The following ISCA1 variants were observed in gnomAD, a reference collection of about 807,000 sequenced individuals.
ISCA1 encodes the protein iron-sulfur cluster assembly 1, also known as iron-sulfur cluster assembly 1 homolog, mitochondrial.
ISCA1 carries 9 observed loss-of-function variants against 14.7 expected under a neutral mutation model. That is an observed-to-expected ratio of 0.61 (90% confidence interval 0.37 to 1.07). ISCA1 has a LOEUF of 1.07. Ranked by LOEUF, ISCA1 falls within the 50% of genes least tolerant of loss-of-function variation. The pLI is 0.01. For synonymous variants in ISCA1, 38 were observed against 54.3 expected, an observed-to-expected ratio of 0.70 and a Z score of 1.32; for missense variants, 102 against 150.1, an observed-to-expected ratio of 0.68 and a Z score of 1.67.
intron 1 of ISCA1, among the ~76,000 whole-genome samples, chr9:86,275,959 G>A (rs776604146): frequency 2.0e-5 from 3 of 152,186 alleles, no homozygotes; most frequent in Non-Finnish European, 4.4e-5. Flanking sequence ...TGGCATCAAG[G>A]ACTGGTTTCG....
intron 3 of ISCA1, 68 bp from the exon 4 acceptor site, chr9:86,266,259 A>T: frequency 6.6e-7 from 1 of 1,522,526 alleles, no homozygotes; most frequent in Non-Finnish European, 8.8e-7. Context: ...TTCAAAGCAC[A>T]AGTGAACTTG....
In ISCA1 at chr9:86,274,245, G is replaced by A. The variant is rs761605828; in HGVS notation, c.82-3C>T. On this transcript the variant is annotated splice_polypyrimidine_tract_variant and splice_region_variant and intron_variant, in intron 1 of 3. Transcript: ENST00000375991. ...ATCTTGTTTACTGCTGAAGGTGTCT[G>A]AAAAAAGAAAATGATGTTTTTAGCT... 2 of 1,574,826 alleles carry A rather than the reference G, an allele frequency of 1.3e-6. No individual in the cohort carries two copies. Among genetic ancestry groups the A allele is most frequent in the Non-Finnish European group, 1.7e-6 (2 of 1,145,344 alleles).
intron 1 of ISCA1, among the ~76,000 whole-genome samples, chr9:86,279,748 T>A (rs779392879): frequency 6.6e-6 from 1 of 152,252 alleles, no homozygotes; most frequent in Non-Finnish European, 1.5e-5. Flanking sequence ...GTTTGCTCTC[T>A]TATCTGTCTC....
chr9:86,266,013 G>A lies in ISCA1; in HGVS notation c.*30C>T. 1 of 1,611,796 alleles carries A rather than the reference G, an allele frequency of 6.2e-7. No individual in the cohort carries two copies. Among genetic ancestry groups the A allele is most frequent in the Non-Finnish European group, 8.5e-7 (1 of 1,179,796 alleles). On this transcript the variant is annotated 3_prime_UTR_variant, in exon 4 of 4. Transcript: ENST00000375991. ...CCCCAAAGCTTCCACGAGCTTTCCT[G>A]GAACCTACGGCCAGAAGAGTCCTGA...
chr9:86,281,256 G>C (rs988739579), intron 1 of ISCA1, among the ~76,000 whole-genome samples: 4 of 152,138 alleles, frequency 2.6e-5, no homozygotes, highest in Admixed American at 6.5e-5. Context: ...TATATAATCA[G>C]GGTAATATCA....
chr9:86,272,186 G>A, intron 2 of ISCA1, 74 bp from the exon 3 acceptor site: 1 of 907,430 alleles, frequency 1.1e-6, no homozygotes, highest in East Asian at 2.4e-5. Flanking sequence ...TAAAGTGACA[G>A]TAGCCTCCTC....
intron 1 of ISCA1, among the ~76,000 whole-genome samples, chr9:86,274,764 C>A (rs1362470385): frequency 2.0e-5 from 3 of 152,016 alleles, no homozygotes; most frequent in Non-Finnish European, 4.4e-5. Context: ...ATAAAATAAC[C>A]CAGGGTGTGC....
chr9:86,264,828 T>C lies in ISCA1; in HGVS notation c.*1215A>G, dbSNP rs1378577730. ...AATACTTATGTCAAACCCAGGAAAATCAGTAACTAAGTGACAAAAGGAACA... is the reference window on the plus strand; with the variant it reads ...AATACTTATGTCAAACCCAGGAAAACCAGTAACTAAGTGACAAAAGGAACA... On this transcript the variant is annotated 3_prime_UTR_variant, in exon 4 of 4. Coordinates refer to ENST00000375991, the MANE Select transcript of ISCA1 (RefSeq NM_030940.4). 8 of 152,078 alleles carry C rather than the reference T, an allele frequency of 5.3e-5. No individual in the cohort carries two copies. The East Asian group carries it at 1.5e-3, about 29-fold the overall frequency. 9.4% of individuals were successfully genotyped at this position (152,078 alleles called of 1,614,324 possible).
rs1423316819 is a variant in ISCA1 at position 86,264,776 on chromosome 9, A to T, written c.*1267T>A. 6.6e-6 allele frequency: 1 copy of T among 152,264 alleles called. No homozygotes were observed. Among genetic ancestry groups the T allele is most frequent in the Non-Finnish European group, 1.5e-5 (1 of 68,034 alleles). The allele number at this position is 152,264 out of a possible 1,614,324, so 9.4% of individuals were successfully genotyped here. Reference sequence around the variant, plus strand: ...CTTGAATTCATGAGAATCAGCTTTCAAAAAAAGCATATATATCATCTCATA... The same window carrying T: ...CTTGAATTCATGAGAATCAGCTTTCTAAAAAAGCATATATATCATCTCATA... On this transcript the variant is annotated 3_prime_UTR_variant, in exon 4 of 4. Coordinates refer to ENST00000375991, the MANE Select transcript of ISCA1 (RefSeq NM_030940.4).
intron 1 of ISCA1, among the ~76,000 whole-genome samples, chr9:86,281,645 G>A (rs1412863883): frequency 6.6e-6 from 1 of 152,186 alleles, no homozygotes; most frequent in African/African-American, 2.4e-5. Flanking sequence ...CGGTGCGGCC[G>A]GAACACTGAG....
intron 3 of ISCA1, chr9:86,267,853 A>C (rs577239497): frequency 6.5e-6 from 1 of 154,582 alleles, no homozygotes; most frequent in East Asian, 1.9e-4. Context: ...AAAAAAAAAA[A>C]AGGATTATAA....
intron 1 of ISCA1, among the ~76,000 whole-genome samples, chr9:86,278,986 C>T (rs528203136): frequency 5.9e-5 from 9 of 152,284 alleles, no homozygotes; most frequent in South Asian, 2.1e-4. Context: ...CGTACTTAAC[C>T]GTTCTTTCAC....
At chr9:86,282,274 G>T in intron 1 of ISCA1, 104 bp downstream of exon 1, 2 of 1,267,826 alleles carry the variant, frequency 1.6e-6, no homozygotes, top group South Asian at 1.5e-5. Context: ...GAGGTCTGAC[G>T]TGTCCGCGTC....
chr9:86,272,336 C>A (rs149363082), intron 2 of ISCA1, among the ~76,000 whole-genome samples: 1 of 152,190 alleles, frequency 6.6e-6, no homozygotes, highest in Non-Finnish European at 1.5e-5. Flanking sequence ...GGAGCCACCC[C>A]GTCCAGCCTG....
chr9:86,273,920 A>G (rs912956842), intron 2 of ISCA1, among the ~76,000 whole-genome samples: 2 of 152,194 alleles, frequency 1.3e-5, no homozygotes, highest in Non-Finnish European at 2.9e-5. Flanking sequence ...AATCAGGTCT[A>G]GCCGCTTCAA....
At chr9:86,275,024 G>A (rs901516903) in intron 1 of ISCA1, among the ~76,000 whole-genome samples, 64 of 152,150 alleles carry the variant, frequency 4.2e-4, no homozygotes, top group African/African-American at 1.5e-3. Context: ...ACTGTTCCCC[G>A]ACATTCCTGG....
At chr9:86,273,274 G>A (rs750495554) in intron 2 of ISCA1, among the ~76,000 whole-genome samples, 5 of 152,062 alleles carry the variant, frequency 3.3e-5, no homozygotes, top group Non-Finnish European at 5.9e-5. Flanking sequence ...GCATTCCATC[G>A]GCAACTAACA....
In ISCA1 at chr9:86,264,869, TG is replaced by T. The variant is rs1825276039; in HGVS notation, c.*1173del. On this transcript the variant is annotated 3_prime_UTR_variant, in exon 4 of 4. Coordinates refer to ENST00000375991, the MANE Select transcript of ISCA1 (RefSeq NM_030940.4). ...AAAAGGAACACTTTTAAAGAAAAGT[TG>T]GTGATAAATATGTTAGGCTAAAATA... The T allele has an allele frequency of 6.6e-6, 1 of 152,140 alleles. No individual in the cohort carries two copies. The highest frequency in any genetic ancestry group is 2.4e-5 in the African/African-American group (1 of 41,426). 9.4% of individuals were successfully genotyped at this position (152,140 alleles called of 1,614,324 possible). A position where few individuals can be genotyped will look rare whatever the true frequency, so the allele number is the denominator to read the frequency against.
chr9:86,268,563 C>T (rs957988343), intron 3 of ISCA1, among the ~76,000 whole-genome samples: 1 of 151,940 alleles, frequency 6.6e-6, no homozygotes. Flanking sequence ...TACGGAGGAA[C>T]GTCCTAGGCT....
Sources: allele counts gnomAD v4.1 joint callset (sites outside exome capture counted in the v4.1 genomes callset), GRCh38; gene constraint gnomAD v4.1.1; transcripts MANE v1.5; gene names NCBI Gene and HGNC (gene_info 2026-07-23, HGNC 2026-07-21).